SOX5: variants seen among roughly 807,000 people sequenced by gnomAD.
SOX5 encodes transcription factor SOX-5.
SOX5 carries 9 observed loss-of-function variants against 92.0 expected under a neutral mutation model. The observed-to-expected ratio is 0.10, with a 90% CI of 0.06 to 0.17. The LOEUF (loss-of-function observed/expected upper bound fraction) is 0.17, where lower values mean the gene tolerates loss of function less well. SOX5 is among the 10% of genes least tolerant of loss of function. SOX5 has a pLI of 1.00. For missense variants in SOX5, 642 were observed against 944.5 expected (o/e 0.68, Z 4.20); for synonymous variants, 344 against 336.3 (o/e 1.02, Z -0.25).
At chr12:24,281,541 T>C (rs1257875619) in intron 2 of SOX5, among the ~76,000 whole-genome samples, 1 of 152,208 alleles carries the variant, frequency 6.6e-6, no homozygotes, top group Non-Finnish European at 1.5e-5. Context: ...TTGTGCCACA[T>C]AAATATGCAT....
At chr12:23,912,594 G>A (rs2097363370) in intron 1 of SOX5, among the ~76,000 whole-genome samples, 1 of 152,104 alleles carries the variant, frequency 6.6e-6, no homozygotes, top group African/African-American at 2.4e-5. Flanking sequence ...CCAAGAATCT[G>A]TTAAATGATG....
At chr12:24,029,597 T>TCAGTTTTGCTC (rs1955257845) in intron 4 of SOX5, among the ~76,000 whole-genome samples, 1 of 151,888 alleles carries the variant, frequency 6.6e-6, no homozygotes, top group African/African-American at 2.4e-5. Context: ...TAGATAGAAC[T>TCAGTTTTGCTC]CAGTTTTGCT....
rs1491135858 is a variant in SOX5 at position 24,171,227 on chromosome 12, TTG to T, written c.-2+42114_-2+42115del. Among the ~76,000 whole-genome samples, 21 of 78,846 alleles carry T rather than the reference TTG, an allele frequency of 2.7e-4. 4 individuals carry two copies. Among genetic ancestry groups the T allele is most frequent in the East Asian group, 1.3e-3 (1 of 792 alleles). The allele number at this position is 78,846 out of a possible 152,430, so 51.7% of individuals were successfully genotyped here. ...CCAACAGTTTTTTTTGTTTGTTTGT[TTG>T]TTTTTTTTTTTGGAGACAGAGTCTC... On this transcript the variant is annotated intron_variant, in intron 4 of 4. Coordinates refer to the SOX5 transcript ENST00000446891.
chr12:24,277,503 A>T (rs1016871060), intron 2 of SOX5, among the ~76,000 whole-genome samples: 1 of 90,828 alleles, frequency 1.1e-5, no homozygotes, highest in Non-Finnish European at 2.8e-5. Context: ...TTTACATTTA[A>T]ATATATAAAT....
chr12:23,892,844 C>T (rs925772985), intron 2 of SOX5, among the ~76,000 whole-genome samples: 10 of 152,170 alleles, frequency 6.6e-5, no homozygotes, highest in African/African-American at 1.9e-4. Context: ...AACCATAGTG[C>T]TACTCTGATA....
At chr12:23,758,402 T>TC (rs1555322306) in intron 3 of SOX5, among the ~76,000 whole-genome samples, 2 of 151,490 alleles carry the variant, frequency 1.3e-5, no homozygotes, top group African/African-American at 4.9e-5. Flanking sequence ...TTTTTTTTTT[T>TC]CCTACACATT....
intron 2 of SOX5, among the ~76,000 whole-genome samples, chr12:23,859,646 G>C (rs1595117859): frequency 6.6e-6 from 1 of 152,178 alleles, no homozygotes; most frequent in Admixed American, 6.5e-5. Flanking sequence ...GACCTACTCT[G>C]TATTCATACA....
chr12:23,831,961 C>CACACACACACACAG (rs1315670267), intron 3 of SOX5, among the ~76,000 whole-genome samples: 2 of 149,716 alleles, frequency 1.3e-5, no homozygotes, highest in Non-Finnish European at 3.0e-5. Flanking sequence ...GGGAACTACA[C>CACACACACACACAG]ACACACACAC....
chr12:24,433,342 T>C (rs911876937), intron 1 of SOX5, among the ~76,000 whole-genome samples: 2 of 152,170 alleles, frequency 1.3e-5, no homozygotes, highest in Admixed American at 6.5e-5. Flanking sequence ...GAAAAAGTAA[T>C]CTTAAGTGGA....
chr12:23,815,063 C>A (rs1273259386), intron 3 of SOX5, among the ~76,000 whole-genome samples: 1 of 152,052 alleles, frequency 6.6e-6, no homozygotes, highest in Non-Finnish European at 1.5e-5. Context: ...TTCAAGAAAT[C>A]TTTATGGAAG....
chr12:24,523,565 G>C (rs1473345777), intron 1 of SOX5, among the ~76,000 whole-genome samples: 1 of 152,212 alleles, frequency 6.6e-6, no homozygotes, highest in Non-Finnish European at 1.5e-5. Flanking sequence ...GATCAGAAGA[G>C]AGACCCCAGT....
chr12:23,925,450 G>A (rs536455168), intron 1 of SOX5, among the ~76,000 whole-genome samples: 1 of 152,088 alleles, frequency 6.6e-6, no homozygotes, highest in East Asian at 1.9e-4. Context: ...AAACTTCACA[G>A]GCAATTTCAG....
At chr12:23,674,501 C>T (rs530204201) in intron 6 of SOX5, among the ~76,000 whole-genome samples, 11 of 151,646 alleles carry the variant, frequency 7.3e-5, no homozygotes, top group South Asian at 2.1e-4. Context: ...CCGCTTCCGG[C>T]TAAGTTTTGT....
At chr12:24,433,284 A>G (rs866322181) in intron 1 of SOX5, among the ~76,000 whole-genome samples, 1 of 152,238 alleles carries the variant, frequency 6.6e-6, no homozygotes, top group Non-Finnish European at 1.5e-5. Flanking sequence ...AGAAGGTTCT[A>G]TAAAAATGAA....
intron 4 of SOX5, among the ~76,000 whole-genome samples, chr12:24,196,631 C>T (rs1437150436): frequency 2.0e-5 from 3 of 152,182 alleles, no homozygotes; most frequent in Non-Finnish European, 2.9e-5. Context: ...GGGCCAGGCA[C>T]GGTGGCTCAT....
intron 3 of SOX5, among the ~76,000 whole-genome samples, chr12:23,796,978 A>C (rs2142067680): frequency 6.7e-6 from 1 of 149,656 alleles, no homozygotes; most frequent in East Asian, 1.9e-4. Context: ...AGGTATTTTT[A>C]TTTAAACATT....
At chr12:24,499,298 T>C (rs920847834) in intron 1 of SOX5, among the ~76,000 whole-genome samples, 1 of 152,176 alleles carries the variant, frequency 6.6e-6, no homozygotes, top group African/African-American at 2.4e-5. Flanking sequence ...TACATATTTC[T>C]TGGGTGAAAT....
At chr12:23,884,354 T>C (rs1460424960) in intron 2 of SOX5, among the ~76,000 whole-genome samples, 1 of 152,218 alleles carries the variant, frequency 6.6e-6, no homozygotes, top group Non-Finnish European at 1.5e-5. Flanking sequence ...CCAACTCTCT[T>C]ATAGCCAGAA....
At chr12:24,196,467 A>C (rs1172105275) in intron 4 of SOX5, among the ~76,000 whole-genome samples, 2 of 152,214 alleles carry the variant, frequency 1.3e-5, no homozygotes, top group Non-Finnish European at 2.9e-5. Flanking sequence ...GCATTTTCTA[A>C]ATGGAGAAAC....
Sources: gnomAD v4.1 joint callset for allele counts (sites outside exome capture counted in the v4.1 genomes callset) on GRCh38, gnomAD v4.1.1 for gene constraint, MANE v1.5 for transcripts, NCBI Gene and HGNC (gene_info 2026-07-23, HGNC 2026-07-21) for gene names.